Variants in EPHA6 observed in about 807,000 individuals in gnomAD.
EPHA6 encodes the protein ephrin type-A receptor 6.
In EPHA6, 50 loss-of-function variants were observed where a neutral mutation model predicts 112.0. The ratio of observed to expected loss-of-function variants is 0.45; its 90% CI spans 0.36 to 0.56. EPHA6 has a LOEUF of 0.56. EPHA6 is among the 20% of genes least tolerant of loss of function. The probability of loss-of-function intolerance (pLI) is 0.00; values close to 1 mark genes in which losing one functional copy is unlikely to be tolerated. For missense variants in EPHA6, 1,280 were observed against 1,417.4 expected (o/e 0.90, Z 1.56); for synonymous variants, 529 against 490.7 (o/e 1.08, Z -1.03).
In EPHA6 at chr3:97,755,417, A is replaced by T. The variant is rs1445526140; in HGVS notation, c.*6716A>T. ...CTCTGGCCATTTTTAATTTGTCATA[A>T]TAAACTCATTTCTGGTTAGATAATA... On this transcript the variant is annotated 3_prime_UTR_variant, in exon 18 of 18. Coordinates refer to ENST00000389672, the MANE Select transcript of EPHA6 (RefSeq NM_001080448.3). Among the ~76,000 whole-genome samples the T allele has an allele frequency of 1.3e-5, 2 of 152,156 alleles. No homozygotes were observed. The highest frequency in any genetic ancestry group is 3.8e-4 in the East Asian group (2 of 5,196).
intron 3 of EPHA6, among the ~76,000 whole-genome samples, chr3:97,173,524 T>C (rs1270777495): frequency 1.3e-5 from 2 of 151,806 alleles, no homozygotes; most frequent in African/African-American, 4.8e-5. Context: ...TTGAAAACTA[T>C]ACTAATTACT....
rs151035290 is a variant in EPHA6 at position 97,734,714 on chromosome 3, T to G, written c.2935-1211T>G. On this transcript the variant is annotated intron_variant, in intron 15 of 17. Coordinates refer to ENST00000389672, the MANE Select transcript of EPHA6 (RefSeq NM_001080448.3). ...AATTGCATTTTTATATTTCTGTATT[T>G]TTGAGAGGGACAGAGGAGGGGGAAG... Among the ~76,000 whole-genome samples, 274 of 152,158 alleles carry G rather than the reference T, an allele frequency of 1.8e-3. 1 individual carries two copies. The highest frequency in any genetic ancestry group is 6.5e-3 in the African/African-American group (268 of 41,550).
At chr3:97,456,187 T>C (rs1268190871) in intron 7 of EPHA6, among the ~76,000 whole-genome samples, 1 of 152,152 alleles carries the variant, frequency 6.6e-6, no homozygotes, top group Non-Finnish European at 1.5e-5. Context: ...TTCTTTGGTA[T>C]ATAAACCATC....
intron 2 of EPHA6, among the ~76,000 whole-genome samples, chr3:96,869,248 C>T (rs1003967069): frequency 2.0e-5 from 3 of 151,740 alleles, no homozygotes; most frequent in African/African-American, 7.3e-5. Flanking sequence ...GATAATTATA[C>T]AGAATCACTA....
At chr3:97,446,047 C>T (rs1382724264) in intron 6 of EPHA6, among the ~76,000 whole-genome samples, 1 of 152,154 alleles carries the variant, frequency 6.6e-6, no homozygotes, top group Non-Finnish European at 1.5e-5. Context: ...GTGACAACAC[C>T]TTTGAAATGG....
chr3:97,143,876 G>T (rs922116869), intron 3 of EPHA6, among the ~76,000 whole-genome samples: 1 of 151,664 alleles, frequency 6.6e-6, no homozygotes, highest in Non-Finnish European at 1.5e-5. Flanking sequence ...TAAGCTATGT[G>T]TGTATTCAGG....
At chr3:97,324,445 C>CTTTCTTTCTT (rs2082297214) in intron 5 of EPHA6, among the ~76,000 whole-genome samples, 2 of 146,976 alleles carry the variant, frequency 1.4e-5, no homozygotes, top group Non-Finnish European at 3.0e-5. Flanking sequence ...TTCTTTCTTT[C>CTTTCTTTCTT]TTTCTTTCTT....
chr3:97,198,722 G>A (rs1451860310), intron 3 of EPHA6, among the ~76,000 whole-genome samples: 5 of 152,062 alleles, frequency 3.3e-5, no homozygotes, highest in Admixed American at 3.3e-4. Flanking sequence ...TTGCCTAACT[G>A]TGTTCTGGAA....
intron 4 of EPHA6, 21 bp from the exon 5 acceptor site, chr3:97,243,931 T>A: frequency 6.4e-7 from 1 of 1,555,084 alleles, no homozygotes; most frequent in Admixed American, 1.9e-5. Flanking sequence ...GTACATTTGT[T>A]TTTTAATTGC....
chr3:97,730,595 C>T (rs2034992835), intron 15 of EPHA6, among the ~76,000 whole-genome samples: 1 of 152,106 alleles, frequency 6.6e-6, no homozygotes, highest in African/African-American at 2.4e-5. Context: ...CAACAAACCT[C>T]AATTAGTCCT....
At chr3:97,625,708 T>G (rs1282785290) in intron 13 of EPHA6, among the ~76,000 whole-genome samples, 5 of 151,784 alleles carry the variant, frequency 3.3e-5, no homozygotes, top group Non-Finnish European at 7.4e-5. Context: ...TATGTTAATG[T>G]TTGTAATTGT....
At chr3:97,454,006 C>T (rs548916558) in intron 7 of EPHA6, among the ~76,000 whole-genome samples, 28 of 151,770 alleles carry the variant, frequency 1.8e-4, no homozygotes, top group South Asian at 6.2e-4. Flanking sequence ...TCATTTCTAT[C>T]GATTTCTGCA....
At chr3:97,422,137 CAAAAAAAAA>C (rs34312259) in intron 6 of EPHA6, among the ~76,000 whole-genome samples, 14 of 103,418 alleles carry the variant, frequency 1.4e-4, no homozygotes, top group African/African-American at 4.1e-4. Flanking sequence ...AATAGTCTCT[CAAAAAAAAA>C]AAAAAAAAAA....
intron 5 of EPHA6, among the ~76,000 whole-genome samples, chr3:97,342,360 C>T (rs530857460): frequency 6.6e-6 from 1 of 152,174 alleles, no homozygotes; most frequent in African/African-American, 2.4e-5. Flanking sequence ...AGAAACAGAA[C>T]ACTGTCATCA....
intron 2 of EPHA6, among the ~76,000 whole-genome samples, chr3:96,906,671 T>A (rs1189855828): frequency 6.6e-6 from 1 of 152,080 alleles, no homozygotes; most frequent in Non-Finnish European, 1.5e-5. Flanking sequence ...TGTTGCTCGT[T>A]GTGGTCAATG....
rs367870648 is a variant in EPHA6, at chr3:97,673,115, C to T, written c.2784+35033C>T. Among the ~76,000 whole-genome samples, 35 of 152,278 alleles carry T rather than the reference C, an allele frequency of 2.3e-4. No homozygotes were observed. In the South Asian group the frequency reaches 2.9e-3, roughly 13 times the overall value. The stretch of plus-strand genomic sequence containing the variant: ...AGAATTCTCTTTTTAAATGAAGAAA[C>T]CTCTTTAAAGAATAATTATCCTCAC... On this transcript the variant is annotated intron_variant, in intron 14 of 17. Coordinates refer to ENST00000389672, the MANE Select transcript of EPHA6 (RefSeq NM_001080448.3).
chr3:97,317,094 C>T (rs1260908202), intron 5 of EPHA6, among the ~76,000 whole-genome samples: 1 of 151,238 alleles, frequency 6.6e-6, no homozygotes, highest in African/African-American at 2.4e-5. Context: ...GTCTTTTCAA[C>T]TTGAATAGTA....
chr3:96,918,229 A>G (rs531268228), intron 2 of EPHA6, among the ~76,000 whole-genome samples: 31 of 152,278 alleles, frequency 2.0e-4, no homozygotes, highest in African/African-American at 7.2e-4. Flanking sequence ...GATGCTAGAG[A>G]TTGAAGTAAA....
intron 5 of EPHA6, among the ~76,000 whole-genome samples, chr3:97,283,614 G>A (rs1313017796): frequency 6.6e-6 from 1 of 151,972 alleles, no homozygotes; most frequent in African/African-American, 2.4e-5. Flanking sequence ...AGGGGGGTGA[G>A]GGGCAAGGGG....
Sources: allele counts gnomAD v4.1 joint callset (sites outside exome capture counted in the v4.1 genomes callset), GRCh38; gene constraint gnomAD v4.1.1; transcripts MANE v1.5; gene names NCBI Gene and HGNC (gene_info 2026-07-23, HGNC 2026-07-21).